Variants in APOLD1 observed in about 807,000 individuals in gnomAD.
APOLD1 encodes the protein apolipoprotein L domain-containing protein 1.
APOLD1 carries 22 observed loss-of-function variants against 15.3 expected under a neutral mutation model. That is an observed-to-expected ratio of 1.44 (90% CI 1.03 to 2.05). The LOEUF is 2.05. APOLD1 is among the 30% of genes most tolerant of loss of function. The probability of loss-of-function intolerance (pLI) is 0.00; values close to 1 mark genes in which losing one functional copy is unlikely to be tolerated. For missense variants in APOLD1, 394 were observed against 353.5 expected (o/e 1.11, Z -0.92); for synonymous variants, 190 against 167.4 (o/e 1.13, Z -1.04).
At chr12:12,745,412 C>T (rs1592293227) in intron 1 of APOLD1, among the ~76,000 whole-genome samples, 1 of 152,018 alleles carries the variant, frequency 6.6e-6, no homozygotes, top group Non-Finnish European at 1.5e-5. Flanking sequence ...TGCTTGTAAT[C>T]CTAGCTACTC....
At chr12:12,756,045 A>G (rs1946855672) in intron 1 of APOLD1, among the ~76,000 whole-genome samples, 1 of 152,208 alleles carries the variant, frequency 6.6e-6, no homozygotes, top group Admixed American at 6.5e-5. Flanking sequence ...GACTAATCCA[A>G]GTCAGAAGAA....
At chr12:12,770,286 C>T (rs909982290) in intron 1 of APOLD1, among the ~76,000 whole-genome samples, 3 of 151,942 alleles carry the variant, frequency 2.0e-5, no homozygotes. Flanking sequence ...ATGCCTGTAA[C>T]CCCAGCTACT....
intron 1 of APOLD1, among the ~76,000 whole-genome samples, chr12:12,776,752 T>A (rs1010453314): frequency 6.6e-6 from 1 of 152,136 alleles, no homozygotes; most frequent in African/African-American, 2.4e-5. Flanking sequence ...CAAAAAGCAA[T>A]GAAGGTTGAG....
chr12:12,763,117 C>T (rs1312698501), intron 1 of APOLD1, among the ~76,000 whole-genome samples: 1 of 151,922 alleles, frequency 6.6e-6, no homozygotes, highest in Non-Finnish European at 1.5e-5. Context: ...GAGCAAGACC[C>T]TGTCTCAAGA....
At position 12,729,765 on chromosome 12, in the gene APOLD1, A is replaced by AAAT. The variant is rs1032488733; in HGVS notation, c.96+3686_96+3688dup. ...CCAGCCTGGCAGCTCTAAAAAAATAAAATAATAATAATAATAATATAAAAA... is the reference window on the plus strand; with the variant it reads ...CCAGCCTGGCAGCTCTAAAAAAATAAAATAATAATAATAATAATAATATAAAAA... On this transcript the variant is annotated intron_variant, in intron 1 of 1. Coordinates refer to the APOLD1 transcript ENST00000326765. 4.7e-3 allele frequency among the ~76,000 whole-genome samples: 709 copies of AAAT among 151,628 alleles called. 2 individuals are homozygous for AAAT. The highest frequency in any genetic ancestry group is 0.016 in the African/African-American group (671 of 41,402).
intron 1 of APOLD1, among the ~76,000 whole-genome samples, chr12:12,750,605 T>A (rs11055040): frequency 0.55 from 83,761 of 151,534 alleles, 24,727 homozygotes; most frequent in Non-Finnish European, 0.67. Context: ...CTCAATATTA[T>A]TGGTATTTTC....
chr12:12,751,138 C>T (rs1303115238), intron 1 of APOLD1, among the ~76,000 whole-genome samples: 1 of 151,740 alleles, frequency 6.6e-6, no homozygotes, highest in Non-Finnish European at 1.5e-5. Flanking sequence ...CTTATGTGAG[C>T]AAAATCGCCA....
chr12:12,727,444 G>C (rs1404632457), intron 1 of APOLD1, among the ~76,000 whole-genome samples: 2 of 152,084 alleles, frequency 1.3e-5, no homozygotes, highest in Non-Finnish European at 2.9e-5. Context: ...TACTGTTCAA[G>C]ACTATCACCT....
intron 1 of APOLD1, among the ~76,000 whole-genome samples, chr12:12,729,513 G>A (rs1290005339): frequency 1.3e-5 from 2 of 152,064 alleles, no homozygotes; most frequent in Non-Finnish European, 2.9e-5. Flanking sequence ...TCCTGCCTTG[G>A]TCTCCAAAAG....
At chr12:12,753,528 G>A (rs1204574325) in intron 1 of APOLD1, among the ~76,000 whole-genome samples, 1 of 151,988 alleles carries the variant, frequency 6.6e-6, no homozygotes, top group Non-Finnish European at 1.5e-5. Flanking sequence ...ATTTAGCCAG[G>A]CATGGTGGTG....
intron 1 of APOLD1, among the ~76,000 whole-genome samples, chr12:12,746,824 GT>G (rs1358052100): frequency 5.9e-5 from 9 of 151,930 alleles, no homozygotes; most frequent in Non-Finnish European, 1.3e-4. Context: ...AGTGCCCAGT[GT>G]CTATTCTTAT....
intron 1 of APOLD1, among the ~76,000 whole-genome samples, chr12:12,770,202 C>G (rs915675059): frequency 6.6e-6 from 1 of 152,102 alleles, no homozygotes; most frequent in Non-Finnish European, 1.5e-5. Context: ...GAAGTCAGTT[C>G]AAGACCAGCC....
intron 1 of APOLD1, among the ~76,000 whole-genome samples, chr12:12,739,063 C>T (rs1237450726): frequency 6.6e-6 from 1 of 152,158 alleles, no homozygotes; most frequent in Non-Finnish European, 1.5e-5. Flanking sequence ...AAACTGGTGG[C>T]TCTGCAAGGG....
At chr12:12,765,579 C>T (rs77939583) in intron 1 of APOLD1, among the ~76,000 whole-genome samples, 10,427 of 152,164 alleles carry the variant, frequency 0.069, 676 homozygotes, top group East Asian at 0.31. Flanking sequence ...AACATTAAAG[C>T]CAAAGTGTAG....
intron 1 of APOLD1, among the ~76,000 whole-genome samples, chr12:12,779,316 G>C (rs75500487): frequency 6.6e-6 from 1 of 151,962 alleles, no homozygotes. Flanking sequence ...TAGATTTGCC[G>C]TCTCCTGGAG....
chr12:12,750,914 A>T (rs903920576), intron 1 of APOLD1, among the ~76,000 whole-genome samples: 2 of 150,546 alleles, frequency 1.3e-5, no homozygotes, highest in African/African-American at 4.9e-5. Context: ...AGCTGGGACT[A>T]TAGGCATGGG....
chr12:12,760,579 C>T (rs1283445998), intron 1 of APOLD1, among the ~76,000 whole-genome samples: 2 of 149,416 alleles, frequency 1.3e-5, no homozygotes, highest in Non-Finnish European at 3.0e-5. Flanking sequence ...GCAGAGGTTG[C>T]AGTGAGCCGA....
At chr12:12,783,680 C>T (rs1418520912), upstream of APOLD1, among the ~76,000 whole-genome samples, 2 of 146,128 alleles carry the variant, frequency 1.4e-5, no homozygotes, top group East Asian at 4.0e-4. Context: ...ATCATCCAGG[C>T]TGTGTTGCAG....
chr12:12,777,933 T>C (rs1402201932), intron 1 of APOLD1, among the ~76,000 whole-genome samples: 2 of 143,758 alleles, frequency 1.4e-5, no homozygotes, highest in Non-Finnish European at 3.0e-5. Flanking sequence ...TTTGTTGTTG[T>C]TGTTTTTTGA....
Sources: allele counts gnomAD v4.1 joint callset (sites outside exome capture counted in the v4.1 genomes callset), GRCh38; gene constraint gnomAD v4.1.1; transcripts MANE v1.5; gene names NCBI Gene and HGNC (gene_info 2026-07-23, HGNC 2026-07-21).